The following ERCC3 variants were observed in gnomAD, a reference collection of about 807,000 sequenced individuals.
ERCC3 encodes the protein general transcription and DNA repair factor IIH helicase/translocase subunit XPB.
Under a neutral mutation model 94.2 loss-of-function variants are expected in ERCC3, and 66 were observed. That is an observed-to-expected ratio of 0.70 (90% CI 0.57 to 0.86). The LOEUF (loss-of-function observed/expected upper bound fraction) is 0.86. Among genes scored for constraint, ERCC3 ranks in the 40% least tolerant of loss-of-function variants. ERCC3 has a pLI of 0.00. For synonymous variants in ERCC3, 349 were observed against 369.1 expected (o/e 0.95, Z 0.63); for missense variants, 829 against 987.1 (o/e 0.84, Z 2.15).
intron 12 of ERCC3, among the ~76,000 whole-genome samples, chr2:127,266,797 C>T (rs1430333843): frequency 6.9e-6 from 1 of 145,956 alleles, no homozygotes; most frequent in Admixed American, 7.1e-5. Context: ...CTCACTGCAA[C>T]CTCTGCCTCC....
At chr2:127,269,300 A>G (rs1684473756) in intron 12 of ERCC3, among the ~76,000 whole-genome samples, 1 of 152,190 alleles carries the variant, frequency 6.6e-6, no homozygotes, top group East Asian at 1.9e-4. Flanking sequence ...TCAGTAGGTT[A>G]AGCATACTGC....
At chr2:127,292,321 T>C in intron 3 of ERCC3, 1 of 499,990 alleles carries the variant, frequency 2.0e-6, no homozygotes, top group Non-Finnish European at 3.7e-6. Context: ...CCTGAATTAG[T>C]AGCCCCTCTG....
Position 127,292,660 on chromosome 2 carries a change from T to C in ERCC3, c.421A>G (p.Arg141Gly), listed in dbSNP as rs749261203. 1 of 1,614,096 alleles carries C rather than the reference T, an allele frequency of 6.2e-7. No individual in the cohort carries two copies. The highest frequency in any genetic ancestry group is 1.1e-5 in the South Asian group (1 of 91,084). ...LQTSDITEYLRKLSKTGVPDG... is the reference protein window; with the variant it reads ...LQTSDITEYLGKLSKTGVPDG... Reference sequence around the variant, plus strand: ...GGGACTCCAGTCTTGCTGAGCTTCCTGAGGTACTCGGTGATGTCACTGGTT... The same window carrying C: ...GGGACTCCAGTCTTGCTGAGCTTCCCGAGGTACTCGGTGATGTCACTGGTT... The change falls in exon 3 of 15, where the codon AGG (arginine) becomes GGG (glycine). Residue 141 changes from arginine to glycine, a missense_variant. By Grantham distance (125) the Arg-to-Gly change is moderately radical (BLOSUM62 -2). Transcript: ENST00000285398.
rs375157035 is a variant in ERCC3, at chr2:127,286,684, T to C, written c.1342+19A>G. On this transcript the variant is annotated intron_variant, in intron 8 of 14. Transcript: ENST00000285398. ...TTTGTCTGTTCAGCAAGTGGACAGC[T>C]CAGCTCCAGCCTGCTTACCTGGTAT... 3.2e-4 allele frequency: 512 copies of C among 1,612,606 alleles called. No homozygotes were observed. The highest frequency in any genetic ancestry group is 3.8e-4 in the Non-Finnish European group (446 of 1,178,912).
At chr2:127,288,977 A>T in intron 6 of ERCC3, 113 bp from the exon 7 acceptor site, 1 of 894,916 alleles carries the variant, frequency 1.1e-6, no homozygotes, top group Admixed American at 1.8e-5. Context: ...AACTTCTACA[A>T]GATTTTAGAT....
rs893323064 is a variant in ERCC3, at chr2:127,294,065, C to A, written c.17G>T (p.Arg6Leu). The A allele has an allele frequency of 6.2e-7, 1 of 1,607,950 alleles. No individual in the cohort carries two copies. Among genetic ancestry groups the A allele is most frequent in the Non-Finnish European group, 8.5e-7 (1 of 1,179,534 alleles). MGKRD[R>L]ADRDKKKSRK... The stretch of plus-strand genomic sequence containing the variant: ...GCGCAACGTCTCACCGCGGTCCGCT[C>A]GGTCTCTTTTGCCCATGGCAGCTAC... Residue 6 changes from arginine (R) to leucine (L), a missense_variant, in exon 1 of 15, where the codon CGA becomes CTA. Physicochemically the swap from Arg to Leu is moderately radical, Grantham distance 102 (BLOSUM62 -2). Transcript: ENST00000285398.
In ERCC3 at chr2:127,259,473, T is replaced by C. The variant is rs765208558; in HGVS notation, c.2065-25A>G. The C allele has an allele frequency of 2.5e-6, 4 of 1,613,718 alleles. No homozygotes were observed. The South Asian group carries it at 4.4e-5, about 18-fold the overall frequency. On this transcript the variant is annotated intron_variant, in intron 13 of 14. Transcript: ENST00000285398. This position sits in a 1 kb window ranked among gnomAD's most constrained non-coding sequence, Gnocchi z 4.9. ...CCTGCAAAGCCCAAGCCAGCAGACATGCCCCTTTCTGCTCTCTCTCCCCAG... is the reference window on the plus strand; with the variant it reads ...CCTGCAAAGCCCAAGCCAGCAGACACGCCCCTTTCTGCTCTCTCTCCCCAG...
At chr2:127,262,574 A>G (rs1037500018) in intron 12 of ERCC3, 4 of 152,218 alleles carry the variant, frequency 2.6e-5, no homozygotes, top group Non-Finnish European at 4.4e-5. Flanking sequence ...CTGCATTTAC[A>G]TGAAATGTCC....
chr2:127,288,792 T>C lies in ERCC3; in HGVS notation c.895A>G (p.Asn299Asp), dbSNP rs1340526199. Reference sequence around the variant, plus strand: ...TTGATATCAGGGTTGACAGAATCATTCCGGAAGTCATATTCTGCCAACAGA... The same window carrying C: ...TTGATATCAGGGTTGACAGAATCATCCCGGAAGTCATATTCTGCCAACAGA... The part of the protein sequence containing the change: ...YPLLAEYDFR[N>D]DSVNPDINID... Residue 299 changes from asparagine (N) to aspartate (D), a missense_variant, in exon 7 of 15, where the codon AAT becomes GAT. Coordinates refer to ENST00000285398, the MANE Select transcript of ERCC3 (RefSeq NM_000122.2). 2 of 1,614,020 alleles carry C rather than the reference T, an allele frequency of 1.2e-6. No individual in the cohort carries two copies. The highest frequency in any genetic ancestry group is 2.2e-5 in the South Asian group (2 of 91,084).
At position 127,288,782 on chromosome 2, in the gene ERCC3, A is replaced by T; in HGVS notation, c.905T>A (p.Val302Asp). The change falls in exon 7 of 15, where the codon GTC becomes GAC. Residue 302 changes from valine to aspartate, a missense_variant. Coordinates refer to ENST00000285398, the MANE Select transcript of ERCC3 (RefSeq NM_000122.2). ...TAGGTCAATGTTGATATCAGGGTTG[A>T]CAGAATCATTCCGGAAGTCATATTC... ...LAEYDFRNDS[V>D]NPDINIDLKP... 6.2e-7 allele frequency: 1 copy of T among 1,614,066 alleles called. No homozygotes were observed. Among genetic ancestry groups the T allele is most frequent in the Non-Finnish European group, 8.5e-7 (1 of 1,179,926 alleles).
At chr2:127,289,522 G>C in intron 5 of ERCC3, 21 bp from the exon 6 acceptor site, 3 of 1,612,122 alleles carry the variant, frequency 1.9e-6, no homozygotes, top group Non-Finnish European at 2.5e-6. Flanking sequence ...GGTAGGTGCT[G>C]AACGTGCACA....
chr2:127,289,923 T>A, intron 4 of ERCC3, 99 bp from the exon 5 acceptor site: 1 of 1,384,854 alleles, frequency 7.2e-7, no homozygotes, highest in East Asian at 2.3e-5. Flanking sequence ...ACAAGCCTCA[T>A]GACTCTCCCC....
At chr2:127,261,443 T>C in intron 12 of ERCC3, 97 bp from the exon 13 acceptor site, 2 of 839,598 alleles carry the variant, frequency 2.4e-6, no homozygotes, top group South Asian at 1.3e-5. Flanking sequence ...AGCACTGGAG[T>C]GGAAAAGCCC....
chr2:127,287,390 T>C (rs1179161571), intron 7 of ERCC3, among the ~76,000 whole-genome samples: 1 of 152,104 alleles, frequency 6.6e-6, no homozygotes, highest in Admixed American at 6.5e-5. Context: ...CCCAGCACTT[T>C]GGGAGGCCGA....
At chr2:127,267,607 GTTAATA>G (rs1684415329) in intron 12 of ERCC3, among the ~76,000 whole-genome samples, 1 of 152,108 alleles carries the variant, frequency 6.6e-6, no homozygotes, top group African/African-American at 2.4e-5. Context: ...TACATTCAAG[GTTAATA>G]TTGAGACATG....
At chr2:127,272,720 C>T in intron 11 of ERCC3, 145 bp downstream of exon 11, 1 of 662,950 alleles carries the variant, frequency 1.5e-6, no homozygotes, top group East Asian at 2.8e-5. Flanking sequence ...CAGGCAGTGC[C>T]CCCTATCCCT....
Position 127,259,421 on chromosome 2 carries a change from C to T in ERCC3, c.2092G>A (p.Glu698Lys), listed in dbSNP as rs1331558572. ...TTTGTCGAAAACGCCAAGTCTTCCT[C>T]CTCCATGCCAGCGAGTTTCGTGATC... is the stretch of plus-strand genomic sequence containing the variant. ...KVITKLAGME[E>K]EDLAFSTKEE... The change falls in exon 14 of 15, where the codon GAG becomes AAG. Residue 698 changes from glutamate (E) to lysine (K), a missense_variant. Glu to Lys is a moderately conservative substitution (Grantham distance 56, BLOSUM62 1). Transcript: ENST00000285398. The surrounding 1 kb of genome is among the most constrained non-coding windows in gnomAD (Gnocchi z 4.9). The T allele has an allele frequency of 6.2e-7, 1 of 1,614,194 alleles. No homozygotes were observed.
rs1467593244 is a variant in ERCC3 at position 127,259,196 on chromosome 2, C to T, written c.2217+100G>A. ...TTTTCCAACATTTCCAAAAAAATCC[C>T]ATGGGCCCATCCAGGCAGGACTACA... On this transcript the variant is annotated intron_variant, in intron 14 of 14. Coordinates refer to ENST00000285398, the MANE Select transcript of ERCC3 (RefSeq NM_000122.2). This position sits in a 1 kb window ranked among gnomAD's most constrained non-coding sequence, Gnocchi z 4.9. The T allele has an allele frequency of 7.2e-6, 10 of 1,397,090 alleles. No individual in the cohort carries two copies. The highest frequency in any genetic ancestry group is 9.1e-6 in the Non-Finnish European group (9 of 991,150). The allele number at this position is 1,397,090 out of a possible 1,614,324, so 86.5% of individuals were successfully genotyped here.
chr2:127,281,516 T>G (rs576185170), intron 8 of ERCC3, among the ~76,000 whole-genome samples: 119 of 152,320 alleles, frequency 7.8e-4, no homozygotes, highest in African/African-American at 2.8e-3. Flanking sequence ...GCTCACCTTT[T>G]AAAAATTCTA....
Sources: gnomAD v4.1 joint callset for allele counts (sites outside exome capture counted in the v4.1 genomes callset) on GRCh38, gnomAD v4.1.1 for gene constraint, Gnocchi (gnomAD v3.1) non-coding constraint, MANE v1.5 for transcripts, NCBI Gene and HGNC (gene_info 2026-07-23, HGNC 2026-07-21) for gene names.